Variants in ELAPOR2 observed in about 807,000 individuals in gnomAD.
ELAPOR2 encodes endosome-lysosome associated apoptosis and autophagy regulator family member 2, also known as endosome/lysosome-associated apoptosis and autophagy regulator family member 2.
Under a neutral mutation model 120.7 loss-of-function variants are expected in ELAPOR2, and 89 were observed. The observed-to-expected ratio is 0.74, with a 90% CI of 0.62 to 0.88. ELAPOR2 has a LOEUF of 0.88. Ranked by LOEUF, ELAPOR2 falls within the 40% of genes least tolerant of loss-of-function variation. ELAPOR2 has a pLI of 0.00. For missense variants in ELAPOR2, 1,134 were observed against 1,251.6 expected, an observed-to-expected ratio of 0.91 and a Z score of 1.42; for synonymous variants, 444 against 444.9, an observed-to-expected ratio of 1.00 and a Z score of 0.03.
intron 1 of ELAPOR2, among the ~76,000 whole-genome samples, chr7:87,028,405 G>A (rs188939758): frequency 1.3e-5 from 2 of 151,954 alleles, no homozygotes; most frequent in Admixed American, 6.6e-5. Context: ...GGACACCATC[G>A]TCCATTGGTT....
intron 21 of ELAPOR2, among the ~76,000 whole-genome samples, chr7:86,882,846 A>C (rs1400295502): frequency 6.6e-6 from 1 of 152,160 alleles, no homozygotes; most frequent in Non-Finnish European, 1.5e-5. Context: ...GTATTAGACA[A>C]GGGTTCCAAA....
chr7:86,905,385 TG>T (rs1788965564), intron 18 of ELAPOR2, among the ~76,000 whole-genome samples: 1 of 151,766 alleles, frequency 6.6e-6, no homozygotes, highest in African/African-American at 2.4e-5. Flanking sequence ...CTGTTTCTCG[TG>T]TTCTGATCTC....
intron 21 of ELAPOR2, among the ~76,000 whole-genome samples, chr7:86,887,738 T>C (rs995664500): frequency 1.3e-5 from 2 of 152,072 alleles, no homozygotes; most frequent in Non-Finnish European, 2.9e-5. Flanking sequence ...TCAAAAAGAT[T>C]TCTGACTCTA....
chr7:86,908,103 T>C (rs771430362), intron 17 of ELAPOR2, among the ~76,000 whole-genome samples: 102 of 151,820 alleles, frequency 6.7e-4, no homozygotes, highest in Admixed American at 1.2e-3. Context: ...TAAATAATTA[T>C]TGGCGAGACA....
intron 11 of ELAPOR2, among the ~76,000 whole-genome samples, chr7:86,918,892 G>T (rs1584349837): frequency 6.6e-6 from 1 of 152,176 alleles, no homozygotes; most frequent in South Asian, 2.1e-4. Context: ...AGAAAAAATA[G>T]ATAAATAAAC....
At chr7:86,932,964 C>T (rs1272086283) in intron 8 of ELAPOR2, among the ~76,000 whole-genome samples, 2 of 151,740 alleles carry the variant, frequency 1.3e-5, no homozygotes, top group East Asian at 1.9e-4. Context: ...TATTGATTCA[C>T]AAATTGATAT....
intron 18 of ELAPOR2, among the ~76,000 whole-genome samples, chr7:86,901,741 T>C (rs936786439): frequency 2.6e-5 from 4 of 152,176 alleles, no homozygotes; most frequent in Non-Finnish European, 5.9e-5. Context: ...CATGGGGCTT[T>C]TGAGTGAGCT....
intron 15 of ELAPOR2, among the ~76,000 whole-genome samples, 162 bp from the exon 16 acceptor site, chr7:86,910,163 T>A (rs1789231491): frequency 6.6e-6 from 1 of 152,070 alleles, no homozygotes; most frequent in Non-Finnish European, 1.5e-5. Context: ...CAGTACTTTT[T>A]AAAAGCTCTC....
At chr7:86,887,592 C>A (rs140390712) in intron 21 of ELAPOR2, among the ~76,000 whole-genome samples, 1 of 152,202 alleles carries the variant, frequency 6.6e-6, no homozygotes, top group East Asian at 1.9e-4. Flanking sequence ...TGCTGTCTGA[C>A]AATAGGACAC....
chr7:87,014,286 A>G lies in ELAPOR2; in HGVS notation c.189+45039T>C, dbSNP rs1011118759. On this transcript the variant is annotated intron_variant, in intron 1 of 21. Transcript: ENST00000450689. ...AATCTGCTGACAAAAATAAGACCAG[A>G]GGCTCTTGTATTTTTTTCTAGGACC... 8.5e-5 allele frequency among the ~76,000 whole-genome samples: 13 copies of G among 152,248 alleles called. 1 individual carries two copies. In the East Asian group the frequency reaches 2.5e-3, roughly 29 times the overall value.
At chr7:86,905,354 CTAA>C (rs1430215305) in intron 18 of ELAPOR2, among the ~76,000 whole-genome samples, 1 of 151,022 alleles carries the variant, frequency 6.6e-6, no homozygotes, top group Non-Finnish European at 1.5e-5. Flanking sequence ...ACAAAAAAAC[CTAA>C]TAATTTCAGG....
At chr7:86,900,169 T>C (rs1276134185) in intron 18 of ELAPOR2, among the ~76,000 whole-genome samples, 1 of 152,000 alleles carries the variant, frequency 6.6e-6, no homozygotes, top group African/African-American at 2.4e-5. Context: ...TAAAAAACAG[T>C]TTATCTTGGG....
chr7:86,972,863 T>C (rs1457387222), intron 1 of ELAPOR2, among the ~76,000 whole-genome samples: 1 of 152,146 alleles, frequency 6.6e-6, no homozygotes, highest in South Asian at 2.1e-4. Flanking sequence ...TACCTTAGAA[T>C]TGAGATTAGC....
At chr7:86,931,831 T>C (rs1362893458) in intron 8 of ELAPOR2, among the ~76,000 whole-genome samples, 1 of 152,012 alleles carries the variant, frequency 6.6e-6, no homozygotes, top group Non-Finnish European at 1.5e-5. Flanking sequence ...ATTCTCAGTA[T>C]ACCAAGACAA....
chr7:86,925,732 C>A lies in ELAPOR2; in HGVS notation c.1271-76G>T, dbSNP rs529369811. On this transcript the variant is annotated intron_variant, in intron 9 of 21. Transcript: ENST00000450689. The stretch of plus-strand genomic sequence containing the variant: ...ACTTCTACTTTCTCTGTTCCAAACA[C>A]ACTACATTACAATTAGCAGGGAGAG... The A allele has an allele frequency of 1.3e-4, 165 of 1,285,480 alleles. 1 individual carries two copies. Among genetic ancestry groups the A allele is most frequent in the Middle Eastern group, 3.7e-4 (2 of 5,384 alleles). 79.6% of individuals were successfully genotyped at this position (1,285,480 alleles called of 1,614,324 possible).
intron 1 of ELAPOR2, among the ~76,000 whole-genome samples, chr7:86,998,297 A>G (rs1483145450): frequency 6.6e-6 from 1 of 152,184 alleles, no homozygotes; most frequent in Non-Finnish European, 1.5e-5. Context: ...TTTAGCATTT[A>G]AAGTATTTTA....
chr7:86,901,098 C>A (rs1788703064), intron 18 of ELAPOR2, among the ~76,000 whole-genome samples: 1 of 152,184 alleles, frequency 6.6e-6, no homozygotes, highest in Admixed American at 6.5e-5. Context: ...AGACAGTACA[C>A]TGTCATGGAT....
chr7:86,939,061 A>C, intron 6 of ELAPOR2, 101 bp from the exon 7 acceptor site: 2 of 1,309,274 alleles, frequency 1.5e-6, no homozygotes, highest in Non-Finnish European at 2.1e-6. Context: ...GAGATATATG[A>C]ACAGTAAGGT....
intron 1 of ELAPOR2, among the ~76,000 whole-genome samples, chr7:87,000,064 G>T (rs374638207): frequency 6.6e-6 from 1 of 152,022 alleles, no homozygotes; most frequent in Non-Finnish European, 1.5e-5. Context: ...AAAGCAAAAC[G>T]CTGCATGAAC....
Sources: gnomAD v4.1 joint callset for allele counts (sites outside exome capture counted in the v4.1 genomes callset) on GRCh38, gnomAD v4.1.1 for gene constraint, MANE v1.5 for transcripts, NCBI Gene and HGNC (gene_info 2026-07-23, HGNC 2026-07-21) for gene names.